The following MLLT3 variants were observed in gnomAD, a reference collection of about 807,000 sequenced individuals.
MLLT3 encodes the protein protein AF-9.
Under a neutral mutation model 53.2 loss-of-function variants are expected in MLLT3, and 4 were observed. The observed-to-expected ratio is 0.08, with a 90% confidence interval of 0.04 to 0.17. MLLT3 has a LOEUF of 0.17. MLLT3 is among the 10% of genes least tolerant of loss of function. MLLT3 has a pLI of 1.00. For synonymous variants in MLLT3, 283 were observed against 230.6 expected (o/e 1.23, Z -2.06); for missense variants, 569 against 684.0 (o/e 0.83, Z 1.87).
intron 2 of MLLT3, chr9:20,502,137 C>G (rs1825259832): frequency 6.7e-6 from 1 of 149,122 alleles, no homozygotes; most frequent in Non-Finnish European, 1.5e-5. Context: ...AGGTAAATAT[C>G]TGACAATAAT....
intron 2 of MLLT3, among the ~76,000 whole-genome samples, chr9:20,538,645 A>T (rs78274197): frequency 0.012 from 1,889 of 152,354 alleles, 45 homozygotes; most frequent in African/African-American, 0.044. Flanking sequence ...AGAGAAAATG[A>T]ATACAAAATG....
At chr9:20,617,134 T>G (rs748123145) in intron 2 of MLLT3, among the ~76,000 whole-genome samples, 4 of 152,186 alleles carry the variant, frequency 2.6e-5, no homozygotes, top group Non-Finnish European at 1.5e-5. Flanking sequence ...GCTGAATCTA[T>G]CAGAACAGTC....
At chr9:20,361,596 G>A (rs997346647) in intron 7 of MLLT3, among the ~76,000 whole-genome samples, 2 of 152,032 alleles carry the variant, frequency 1.3e-5, no homozygotes, top group Admixed American at 1.3e-4. Context: ...GGTATGTTTG[G>A]GATAACCGCT....
intron 5 of MLLT3, among the ~76,000 whole-genome samples, chr9:20,389,274 A>G (rs1330339002): frequency 6.6e-6 from 1 of 152,266 alleles, no homozygotes. Context: ...AAAACATCAC[A>G]TATTATATGA....
intron 4 of MLLT3, among the ~76,000 whole-genome samples, chr9:20,440,387 A>C (rs1823516377): frequency 6.6e-6 from 1 of 152,184 alleles, no homozygotes; most frequent in African/African-American, 2.4e-5. Flanking sequence ...TGTTTCTTAA[A>C]GTGTTACCTT....
chr9:20,380,028 A>C (rs1476913570), intron 5 of MLLT3, among the ~76,000 whole-genome samples: 1 of 152,036 alleles, frequency 6.6e-6, no homozygotes, highest in African/African-American at 2.4e-5. Flanking sequence ...GTGAGCTAAC[A>C]TTCTTGTTAC....
chr9:20,405,842 T>C (rs1251349466), intron 5 of MLLT3, among the ~76,000 whole-genome samples: 1 of 152,188 alleles, frequency 6.6e-6, no homozygotes, highest in Admixed American at 6.5e-5. Context: ...CCGGGTGTGG[T>C]GGCTCATGTC....
intron 2 of MLLT3, among the ~76,000 whole-genome samples, chr9:20,470,733 G>C (rs1293902805): frequency 6.6e-6 from 1 of 151,962 alleles, no homozygotes; most frequent in Non-Finnish European, 1.5e-5. Context: ...AAGGTACAAA[G>C]GAGGGTAGGG....
At chr9:20,488,652 G>A (rs1006967981) in intron 2 of MLLT3, among the ~76,000 whole-genome samples, 1 of 152,066 alleles carries the variant, frequency 6.6e-6, no homozygotes, top group East Asian at 1.9e-4. Context: ...GCAATATACA[G>A]AATCTGATTC....
intron 2 of MLLT3, among the ~76,000 whole-genome samples, chr9:20,584,306 G>A (rs143263735): frequency 0.03 from 4,569 of 152,202 alleles, 171 homozygotes; most frequent in East Asian, 0.14. Context: ...CAAGTCTCTA[G>A]GAAGTTCCAA....
chr9:20,496,979 C>T (rs1312810370), intron 2 of MLLT3, among the ~76,000 whole-genome samples: 1 of 152,190 alleles, frequency 6.6e-6, no homozygotes, highest in African/African-American at 2.4e-5. Flanking sequence ...TGTCAAGCTT[C>T]CACTATAAAT....
At chr9:20,446,109 T>C (rs1823691923) in intron 4 of MLLT3, among the ~76,000 whole-genome samples, 2 of 152,198 alleles carry the variant, frequency 1.3e-5, no homozygotes, top group Admixed American at 6.5e-5. Flanking sequence ...ATAGACAGAA[T>C]CTGTGGAATT....
At chr9:20,564,331 G>A (rs1473741523) in intron 2 of MLLT3, among the ~76,000 whole-genome samples, 1 of 149,728 alleles carries the variant, frequency 6.7e-6, no homozygotes, top group Non-Finnish European at 1.5e-5. Context: ...GAGGGAAAAT[G>A]AGGAGACTTA....
chr9:20,442,007 T>C (rs913726285), intron 4 of MLLT3, among the ~76,000 whole-genome samples: 2 of 152,162 alleles, frequency 1.3e-5, no homozygotes, highest in Admixed American at 6.5e-5. Flanking sequence ...CCTTTCCAAA[T>C]GTAAGTATGT....
In MLLT3 at chr9:20,478,629, T is replaced by C. The variant is rs1273937562; in HGVS notation, c.194-21843A>G. On this transcript the variant is annotated intron_variant, in intron 2 of 10. Transcript: ENST00000380338. ...TGATCACTATAGTTAAGATGGAAGATATAGCTATGGCAAGGTGAAAAGAGC... is the reference window on the plus strand; with the variant it reads ...TGATCACTATAGTTAAGATGGAAGACATAGCTATGGCAAGGTGAAAAGAGC... 2.6e-5 allele frequency among the ~76,000 whole-genome samples: 4 copies of C among 152,288 alleles called. No individual in the cohort carries two copies. In the East Asian group the frequency reaches 7.7e-4, roughly 29 times the overall value.
chr9:20,494,299 T>C (rs1825022451), intron 2 of MLLT3, among the ~76,000 whole-genome samples: 1 of 152,090 alleles, frequency 6.6e-6, no homozygotes. Flanking sequence ...ACATAGCCAT[T>C]TGGCTACAGC....
intron 5 of MLLT3, among the ~76,000 whole-genome samples, chr9:20,409,283 T>C (rs1270236467): frequency 1.3e-5 from 2 of 152,176 alleles, no homozygotes; most frequent in Admixed American, 6.5e-5. Flanking sequence ...ACTGTTTTTT[T>C]CCTCCTCTGC....
chr9:20,564,152 C>T (rs970728360), intron 2 of MLLT3, among the ~76,000 whole-genome samples: 1 of 152,118 alleles, frequency 6.6e-6, no homozygotes, highest in African/African-American at 2.4e-5. Context: ...TCCCTGAGTG[C>T]ATACCCTTCC....
intron 2 of MLLT3, among the ~76,000 whole-genome samples, chr9:20,467,697 A>G (rs544066161): frequency 2.2e-4 from 33 of 152,370 alleles, no homozygotes; most frequent in Admixed American, 1.3e-3. Context: ...TGCGCAAAGC[A>G]TATTGCCTAT....
Sources: allele counts gnomAD v4.1 joint callset (sites outside exome capture counted in the v4.1 genomes callset), GRCh38; gene constraint gnomAD v4.1.1; transcripts MANE v1.5; gene names NCBI Gene and HGNC (gene_info 2026-07-23, HGNC 2026-07-21).